DCUN1D4: variants seen among roughly 807,000 people sequenced by gnomAD.
The protein encoded by DCUN1D4 is DCN1-like protein 4.
A neutral mutation model predicts 47.9 loss-of-function variants in DCUN1D4; 22 were observed. That is an observed-to-expected ratio of 0.46 (90% CI 0.33 to 0.66). The LOEUF is 0.66. Ranked by LOEUF, DCUN1D4 falls within the 30% of genes least tolerant of loss-of-function variation. DCUN1D4 has a pLI of 0.02. For synonymous variants in DCUN1D4, 121 were observed against 112.2 expected, an observed-to-expected ratio of 1.08 and a Z score of -0.50; for missense variants, 301 against 340.8, an observed-to-expected ratio of 0.88 and a Z score of 0.92.
At chr4:51,843,896 G>A (rs553577637) in intron 1 of DCUN1D4, among the ~76,000 whole-genome samples, 3 of 146,340 alleles carry the variant, frequency 2.1e-5, no homozygotes, top group African/African-American at 7.7e-5. Context: ...CTGATGTAAC[G>A]GGAAAGCGAG....
Position 51,911,080 on chromosome 4 carries a change from A to G in DCUN1D4, c.626A>G (p.Gln209Arg). The G allele has an allele frequency of 6.2e-7, 1 of 1,613,732 alleles. No homozygotes were observed. The highest frequency in any genetic ancestry group is 8.5e-7 in the Non-Finnish European group (1 of 1,179,776). ...TTGTTTGTTAAACAGGAAAAGGACC[A>G]GCGCAGCCTAGACATAAACACTGCC... The part of the protein sequence containing the change: ...YAFDFAREKD[Q>R]RSLDINTAKC... The change falls in exon 9 of 11, where the codon CAG becomes CGG. Residue 209 changes from glutamine (Q) to arginine (R), a missense_variant. This residue lies in a region of DCUN1D4 where 170 missense variants were observed against 234.5 expected (regional missense o/e 0.73). Transcript: ENST00000334635.
chr4:51,862,834 C>A (rs1725282178), intron 1 of DCUN1D4, among the ~76,000 whole-genome samples: 2 of 151,720 alleles, frequency 1.3e-5, no homozygotes, highest in African/African-American at 2.4e-5. Flanking sequence ...CATAGAAAGA[C>A]CCTGTCTCTA....
chr4:51,876,991 C>T (rs977200790), intron 4 of DCUN1D4, among the ~76,000 whole-genome samples: 4 of 152,170 alleles, frequency 2.6e-5, no homozygotes, highest in African/African-American at 9.7e-5. Flanking sequence ...CCTCTTCCCT[C>T]TCCATGTGAG....
intron 9 of DCUN1D4, among the ~76,000 whole-genome samples, chr4:51,911,474 C>T (rs1432642753): frequency 1.3e-5 from 2 of 152,064 alleles, no homozygotes; most frequent in South Asian, 4.1e-4. Flanking sequence ...ATTTTCTGTT[C>T]TTTGTAACAA....
At chr4:51,843,500 G>T (rs1391376228) in intron 1 of DCUN1D4, 4 of 1,290,054 alleles carry the variant, frequency 3.1e-6, no homozygotes, top group Admixed American at 8.4e-5. Flanking sequence ...GGAGGTGAGG[G>T]GGGTGGGGAC....
intron 1 of DCUN1D4, among the ~76,000 whole-genome samples, chr4:51,851,992 T>G (rs1274535120): frequency 6.6e-6 from 1 of 152,232 alleles, no homozygotes; most frequent in East Asian, 1.9e-4. Context: ...GAACCCTGAT[T>G]GGAACACTGC....
At chr4:51,856,602 A>T (rs572079173) in intron 1 of DCUN1D4, among the ~76,000 whole-genome samples, 1 of 152,350 alleles carries the variant, frequency 6.6e-6, no homozygotes, top group South Asian at 2.1e-4. Flanking sequence ...TTAGAATGGA[A>T]GAAGTAGCCT....
chr4:51,882,957 C>A (rs543922262), intron 5 of DCUN1D4, among the ~76,000 whole-genome samples: 13 of 152,040 alleles, frequency 8.6e-5, no homozygotes, highest in African/African-American at 3.1e-4. Context: ...AAAAAAAACA[C>A]CCTTAACAAA....
Position 51,891,784 on chromosome 4 carries a change from A to C in DCUN1D4, c.439A>C (p.Lys147Gln), listed in dbSNP as rs1386994422. 6.2e-7 allele frequency: 1 copy of C among 1,612,346 alleles called. No homozygotes were observed. Among genetic ancestry groups the C allele is most frequent in the Admixed American group, 1.7e-5 (1 of 59,874 alleles). ...GGTAGTTATGCTTGTCCTAGCTTGG[A>C]AATTGGATGCACAAAACATGGGTTA... ...ENVVMLVLAWKLDAQNMGYFT... is the reference protein window; with the variant it reads ...ENVVMLVLAWQLDAQNMGYFT... Residue 147 changes from lysine to glutamine, a missense_variant, in exon 7 of 11, where the codon AAA becomes CAA. Around this residue, in one of 2 missense-constraint regions of DCUN1D4, gnomAD observed 170 missense variants for 234.5 expected, o/e 0.73. Transcript: ENST00000334635.
intron 1 of DCUN1D4, among the ~76,000 whole-genome samples, chr4:51,846,842 T>C (rs1470328648): frequency 6.6e-6 from 1 of 152,244 alleles, no homozygotes; most frequent in Non-Finnish European, 1.5e-5. Context: ...ATTAGTGTTT[T>C]AGCTTTTATT....
At chr4:51,859,250 T>C (rs1192247116) in intron 1 of DCUN1D4, among the ~76,000 whole-genome samples, 2 of 152,236 alleles carry the variant, frequency 1.3e-5, no homozygotes, top group East Asian at 3.8e-4. Flanking sequence ...TAAACTTTAA[T>C]TGTTCATTCT....
chr4:51,892,144 A>G (rs981617850), intron 7 of DCUN1D4, among the ~76,000 whole-genome samples: 12 of 152,372 alleles, frequency 7.9e-5, no homozygotes, highest in East Asian at 1.9e-4. Context: ...AGCCACCTCT[A>G]TGTAACTTAA....
In DCUN1D4 at chr4:51,860,715, C is replaced by T. The variant is rs1240213121; in HGVS notation, c.26-2722C>T. The stretch of plus-strand genomic sequence containing the variant: ...AATGACTGAACCCCATAAGAACTCA[C>T]TCACTGTCTCAAAGACAGCACTAAG... On this transcript the variant is annotated intron_variant, in intron 1 of 10. Coordinates refer to ENST00000334635, the MANE Select transcript of DCUN1D4 (RefSeq NM_001040402.3). The T allele has an allele frequency of 5.4e-5, 24 of 447,094 alleles. 1 individual carries two copies. Among genetic ancestry groups the T allele is most frequent in the South Asian group, 2.7e-4 (17 of 62,416 alleles). 27.7% of individuals were successfully genotyped at this position (447,094 alleles called of 1,614,324 possible).
intron 8 of DCUN1D4, among the ~76,000 whole-genome samples, chr4:51,901,362 A>G (rs988984085): frequency 3.9e-5 from 6 of 152,346 alleles, no homozygotes; most frequent in African/African-American, 4.8e-5. Context: ...TAGTAGATCC[A>G]TGACTCAAAC....
At chr4:51,869,806 A>G (rs1362124382) in intron 3 of DCUN1D4, among the ~76,000 whole-genome samples, 1 of 152,172 alleles carries the variant, frequency 6.6e-6, no homozygotes, top group Non-Finnish European at 1.5e-5. Context: ...TGTTGGCAGT[A>G]TTTCTGATTA....
chr4:51,866,407 GATGT>G (rs33930745), intron 3 of DCUN1D4, among the ~76,000 whole-genome samples: 62,158 of 151,214 alleles, frequency 0.41, 15,329 homozygotes, highest in African/African-American at 0.69. Context: ...TGATGATGAT[GATGT>G]ATTTTTTCCT....
upstream of DCUN1D4, among the ~76,000 whole-genome samples, chr4:51,839,813 A>G (rs546123287): frequency 3.3e-5 from 5 of 152,158 alleles, no homozygotes; most frequent in Admixed American, 1.3e-4. Context: ...TCTTCCTCCT[A>G]CTCCCAATCC....
chr4:51,844,433 A>C (rs1722168508), intron 1 of DCUN1D4: 3 of 976,294 alleles, frequency 3.1e-6, no homozygotes, highest in East Asian at 2.4e-4. Context: ...CAGCGGGACT[A>C]GGAGGCGGGG....
the DCUN1D4 span, among the ~76,000 whole-genome samples, chr4:51,834,483 T>G: frequency 6.6e-6 from 1 of 152,110 alleles, no homozygotes; most frequent in Non-Finnish European, 1.5e-5. Flanking sequence ...ACTGGCCCTA[T>G]ACCCTTCCCT....
Sources: gnomAD v4.1 joint callset for allele counts (sites outside exome capture counted in the v4.1 genomes callset) on GRCh38, gnomAD v4.1.1 for gene constraint, gnomAD v4.1.1 regional missense constraint, MANE v1.5 for transcripts, NCBI Gene and HGNC (gene_info 2026-07-23, HGNC 2026-07-21) for gene names.